ZFP64: variants seen among roughly 807,000 people sequenced by gnomAD.
ZFP64 encodes ZFP64 zinc finger protein, also known as zinc finger protein 64.
In ZFP64, 14 loss-of-function variants were observed where a neutral mutation model predicts 51.6. That is an observed-to-expected ratio of 0.27 (90% CI 0.18 to 0.42). ZFP64 has a LOEUF of 0.42. Among genes scored for constraint, ZFP64 ranks in the 10% least tolerant of loss-of-function variants. The pLI is 1.00. For missense variants in ZFP64, 754 were observed against 906.8 expected (o/e 0.83, Z 2.16); for synonymous variants, 375 against 361.4 (o/e 1.04, Z -0.43).
chr20:52,172,036 C>T (rs1051110659), intron 2 of ZFP64, among the ~76,000 whole-genome samples: 3 of 152,172 alleles, frequency 2.0e-5, no homozygotes, highest in South Asian at 2.1e-4. Context: ...CGTGAGCCAC[C>T]GCGCCCGACC....
chr20:52,101,086 C>G (rs953391691), intron 5 of ZFP64, among the ~76,000 whole-genome samples: 1 of 152,146 alleles, frequency 6.6e-6, no homozygotes, highest in Non-Finnish European at 1.5e-5. Context: ...AGAATGGCAT[C>G]TAGTGGGTGA....
chr20:52,151,049 T>C (rs1049874952), downstream of ZFP64, among the ~76,000 whole-genome samples: 1 of 152,200 alleles, frequency 6.6e-6, no homozygotes, highest in Non-Finnish European at 1.5e-5. Context: ...TAAACAGAAA[T>C]GCCAGGATTG....
intron 5 of ZFP64, among the ~76,000 whole-genome samples, chr20:52,159,460 A>C (rs186589235): frequency 1.3e-5 from 2 of 152,360 alleles, no homozygotes; most frequent in Admixed American, 1.3e-4. Context: ...AATAAGTTAC[A>C]AAGTTATAGA....
At chr20:52,157,643 A>G (rs1981423443) in intron 5 of ZFP64, among the ~76,000 whole-genome samples, 1 of 152,100 alleles carries the variant, frequency 6.6e-6, no homozygotes, top group Non-Finnish European at 1.5e-5. Context: ...GGACTGACAA[A>G]TGCCTCCCGT....
chr20:52,088,521 C>T (rs2078888426), exon 8 of ZFP64: 1 of 1,614,188 alleles, frequency 6.2e-7, no homozygotes, highest in South Asian at 1.1e-5. Flanking sequence ...CTGTCCACGG[C>T]AGCGTAGTCA....
chr20:52,152,576 C>A lies in ZFP64; in HGVS notation c.1616G>T (p.Arg539Leu). The A allele has an allele frequency of 1.3e-6, 2 of 1,557,832 alleles. No individual in the cohort carries two copies. The highest frequency in any genetic ancestry group is 1.7e-6 in the Non-Finnish European group (2 of 1,154,966). Residue 539 changes from arginine (R) to leucine (L), a missense_variant, in exon 6 of 6, where the codon CGG becomes CTG. Physicochemically the swap from Arg to Leu is moderately radical, Grantham distance 102. Transcript: ENST00000216923. Reference sequence around the variant, plus strand: ...ACTGACCTGGCGCAGGATCTGCAGCCGGCTGTTCCCTGGGAGTTCCTCTGG... The same window carrying A: ...ACTGACCTGGCGCAGGATCTGCAGCAGGCTGTTCCCTGGGAGTTCCTCTGG... Reference protein sequence around the residue: ...QNPEELPGNSRLQILRQVSLI... With the variant: ...QNPEELPGNSLLQILRQVSLI...
chr20:52,115,209 A>AAAAAG (rs1280888112), intron 5 of ZFP64, among the ~76,000 whole-genome samples: 1 of 151,386 alleles, frequency 6.6e-6, no homozygotes, highest in Non-Finnish European at 1.5e-5. Flanking sequence ...AAAAAAAAAA[A>AAAAAG]AAAAAAGAAA....
intron 5 of ZFP64, among the ~76,000 whole-genome samples, chr20:52,103,454 C>T (rs555703587): frequency 2.0e-5 from 3 of 152,266 alleles, no homozygotes; most frequent in African/African-American, 7.2e-5. Flanking sequence ...GGTTGAGGCA[C>T]ACTACTGGGC....
chr20:52,097,434 A>G lies in ZFP64; in HGVS notation c.915T>C (p.Gly305=), dbSNP rs545607038. 4 of 1,597,630 alleles carry G rather than the reference A, an allele frequency of 2.5e-6. No individual in the cohort carries two copies. The African/African-American group carries it at 4.1e-5, about 16-fold the overall frequency. Residue 305 remains glycine (G), a splice_region_variant and synonymous_variant, in exon 7 of 9, where the codon GGT becomes GGC. Coordinates refer to the ZFP64 transcript ENST00000361387. ...TGCCATGGACAGTTTTGAAGTGGCA[A>G]CCTAGAAAAGAAAAATAGATTTTTT... is the stretch of plus-strand genomic sequence containing the variant.
chr20:52,109,441 T>C (rs972770297), intron 5 of ZFP64, among the ~76,000 whole-genome samples: 3 of 152,000 alleles, frequency 2.0e-5, no homozygotes, highest in Admixed American at 6.6e-5. Flanking sequence ...GGATTACAGG[T>C]GTGAGCCACC....
chr20:52,174,850 T>C (rs1394364483), intron 2 of ZFP64, among the ~76,000 whole-genome samples: 2 of 152,216 alleles, frequency 1.3e-5, no homozygotes, highest in African/African-American at 4.8e-5. Flanking sequence ...ATAACATCCT[T>C]TCAGAAAACT....
intron 3 of ZFP64, chr20:52,165,127 T>C (rs984120554): frequency 1.3e-5 from 6 of 464,096 alleles, no homozygotes; most frequent in African/African-American, 1.2e-4. Context: ...TGATCACTGG[T>C]TGGAGCCTGG....
intron 6 of ZFP64, chr20:52,098,420 G>A (rs781338934): frequency 1.9e-5 from 31 of 1,612,776 alleles, no homozygotes; most frequent in Middle Eastern, 1.7e-4. Context: ...GGCTCAGCAC[G>A]CAGGGTTTTA....
At chr20:52,110,684 C>T (rs753801254) in intron 5 of ZFP64, 27 of 1,534,044 alleles carry the variant, frequency 1.8e-5, no homozygotes, top group Non-Finnish European at 2.4e-5. Context: ...GCTAGCTAGA[C>T]CCCTTGCCCC....
intron 5 of ZFP64, among the ~76,000 whole-genome samples, chr20:52,100,217 C>T (rs2079035861): frequency 6.6e-6 from 1 of 151,996 alleles, no homozygotes. Flanking sequence ...TCTCGATCTC[C>T]TGACCTTGTG....
rs897792330 is a variant in ZFP64 at position 52,105,336 on chromosome 20, C to T, written c.764-6749G>A. On this transcript the variant is annotated intron_variant, in intron 5 of 8. Transcript: ENST00000361387. ...ATTACCCCCCTTCGGCCGGAACGCG[C>T]ATGTCCCGGCAATTCTGCTCATCAG... is the stretch of plus-strand genomic sequence containing the variant. 7.2e-6 allele frequency: 9 copies of T among 1,249,638 alleles called. No homozygotes were observed. The South Asian group carries it at 2.9e-4, about 40-fold the overall frequency. 77.4% of individuals were successfully genotyped at this position (1,249,638 alleles called of 1,614,324 possible). A position where few individuals can be genotyped will look rare whatever the true frequency, so the allele number is the denominator to read the frequency against.
At chr20:52,159,424 C>T (rs1981590431) in intron 5 of ZFP64, among the ~76,000 whole-genome samples, 1 of 152,166 alleles carries the variant, frequency 6.6e-6, no homozygotes, top group African/African-American at 2.4e-5. Context: ...TTTCATGCAT[C>T]TCCTCAATTA....
At chr20:52,089,430 C>T (rs962332623) in intron 7 of ZFP64, among the ~76,000 whole-genome samples, 1 of 152,164 alleles carries the variant, frequency 6.6e-6, no homozygotes, top group Non-Finnish European at 1.5e-5. Flanking sequence ...TCCACAACCG[C>T]AGAATGTACA....
intron 5 of ZFP64, among the ~76,000 whole-genome samples, chr20:52,142,377 G>GACACACACACACAC (rs142317072): frequency 0.015 from 1,791 of 118,378 alleles, 32 homozygotes; most frequent in African/African-American, 0.034. Flanking sequence ...CACACACACA[G>GACACACACACACAC]ACACACACAC....
Sources: gnomAD v4.1 joint callset for allele counts (sites outside exome capture counted in the v4.1 genomes callset) on GRCh38, gnomAD v4.1.1 for gene constraint, MANE v1.5 for transcripts, NCBI Gene and HGNC (gene_info 2026-07-23, HGNC 2026-07-21) for gene names.